ENTREP2: variants seen among roughly 807,000 people sequenced by gnomAD.
ENTREP2 encodes endosomal transmembrane epsin interactor 2.
the ENTREP2 span, among the ~76,000 whole-genome samples, chr15:29,512,203 A>T: frequency 1.3e-5 from 2 of 152,130 alleles, no homozygotes; most frequent in Non-Finnish European, 2.9e-5. Context: ...TAGTTTGTTT[A>T]TATTTGTATT....
At chr15:29,381,701 T>G in the ENTREP2 span, 1 of 1,271,004 alleles carries the variant, frequency 7.9e-7, no homozygotes, top group South Asian at 1.3e-5. Context: ...TCTTCGCCAC[T>G]GCCTCCAACC....
At chr15:29,597,022 T>C in the ENTREP2 span, among the ~76,000 whole-genome samples, 4 of 152,006 alleles carry the variant, frequency 2.6e-5, no homozygotes, top group Non-Finnish European at 4.4e-5. Flanking sequence ...CACTGTAAAG[T>C]TCATAGAAAT....
chr15:29,248,542 AGAG>A, the ENTREP2 span, among the ~76,000 whole-genome samples: 1 of 152,266 alleles, frequency 6.6e-6, no homozygotes, highest in Non-Finnish European at 1.5e-5. Flanking sequence ...CAGACAAAAC[AGAG>A]AAGAAAATAA....
At chr15:29,194,084 C>G in the ENTREP2 span, among the ~76,000 whole-genome samples, 15 of 152,326 alleles carry the variant, frequency 9.8e-5, no homozygotes, top group South Asian at 2.9e-3. Context: ...AAAATCCCAG[C>G]AGGATTCTAG....
the ENTREP2 span, among the ~76,000 whole-genome samples, chr15:29,541,570 G>C: frequency 2.0e-5 from 3 of 152,168 alleles, no homozygotes; most frequent in Non-Finnish European, 2.9e-5. Flanking sequence ...GGTGAGACGT[G>C]AAGCATAAGA....
the ENTREP2 span, among the ~76,000 whole-genome samples, chr15:29,523,182 A>G: frequency 1.3e-5 from 2 of 152,218 alleles, no homozygotes; most frequent in Non-Finnish European, 2.9e-5. Context: ...ACATTTGCAG[A>G]TGACTTCCTT....
At chr15:29,383,311 C>G in the ENTREP2 span, among the ~76,000 whole-genome samples, 1 of 152,202 alleles carries the variant, frequency 6.6e-6, no homozygotes, top group Admixed American at 6.5e-5. Context: ...GCCCACACTT[C>G]CTCTTGCAAC....
At chr15:29,343,331 G>A in the ENTREP2 span, among the ~76,000 whole-genome samples, 2 of 151,892 alleles carry the variant, frequency 1.3e-5, no homozygotes, top group South Asian at 2.1e-4. Flanking sequence ...TCCATACTGC[G>A]GGGGGCCTCA....
chr15:29,667,503 T>C, the ENTREP2 span, among the ~76,000 whole-genome samples: 1 of 148,080 alleles, frequency 6.8e-6, no homozygotes, highest in Non-Finnish European at 1.5e-5. Flanking sequence ...TTTTTTTTTT[T>C]TTTTTGAGAT....
the ENTREP2 span, among the ~76,000 whole-genome samples, chr15:29,461,863 G>A: frequency 0.063 from 9,511 of 152,016 alleles, 338 homozygotes; most frequent in Non-Finnish European, 0.071. Flanking sequence ...TCTTCAGAAC[G>A]TCTTCCAAGA....
the ENTREP2 span, among the ~76,000 whole-genome samples, chr15:29,393,758 A>G: frequency 3.3e-5 from 5 of 152,254 alleles, no homozygotes; most frequent in Admixed American, 2.0e-4. Context: ...TTAAATTAAC[A>G]AATGTTATAA....
the ENTREP2 span, among the ~76,000 whole-genome samples, chr15:29,588,976 C>G: frequency 7.0e-6 from 1 of 143,502 alleles, no homozygotes; most frequent in African/African-American, 2.6e-5. Flanking sequence ...GGTGACAGAG[C>G]GAGACCTTGT....
chr15:29,433,886 T>C, the ENTREP2 span, among the ~76,000 whole-genome samples: 5 of 151,924 alleles, frequency 3.3e-5, no homozygotes, highest in Admixed American at 6.6e-5. Context: ...AAAAAGCACG[T>C]CATTCACCTG....
the ENTREP2 span, among the ~76,000 whole-genome samples, chr15:29,426,927 C>T: frequency 6.6e-6 from 1 of 152,056 alleles, no homozygotes; most frequent in Admixed American, 6.6e-5. Flanking sequence ...AGAGAATTGT[C>T]CAATCAGAAT....
chr15:29,436,328 C>T, the ENTREP2 span, among the ~76,000 whole-genome samples: 1 of 152,200 alleles, frequency 6.6e-6, no homozygotes. Context: ...TGAGGAAGCG[C>T]CTCTACTCAC....
chr15:29,545,874 T>C, the ENTREP2 span, among the ~76,000 whole-genome samples: 2 of 152,370 alleles, frequency 1.3e-5, no homozygotes, highest in Admixed American at 1.3e-4. Flanking sequence ...AAGCAATGTT[T>C]AATGTTTAAG....
At chr15:29,537,113 T>C in the ENTREP2 span, among the ~76,000 whole-genome samples, 1 of 152,234 alleles carries the variant, frequency 6.6e-6, no homozygotes, top group African/African-American at 2.4e-5. Flanking sequence ...ATGTATACTA[T>C]GTAAATTAAT....
the ENTREP2 span, chr15:29,128,910 C>T: frequency 0.024 from 33,156 of 1,375,706 alleles, 523 homozygotes; most frequent in Non-Finnish European, 0.028. Context: ...TCCGTGGGAA[C>T]GCAGCACAGC....
At chr15:29,462,626 A>G in the ENTREP2 span, among the ~76,000 whole-genome samples, 2 of 151,988 alleles carry the variant, frequency 1.3e-5, no homozygotes, top group Non-Finnish European at 2.9e-5. Flanking sequence ...TAATAATAAT[A>G]ATAATAATAC....
Sources: allele counts gnomAD v4.1 joint callset (sites outside exome capture counted in the v4.1 genomes callset), GRCh38; gene constraint gnomAD v4.1.1; transcripts MANE v1.5; gene names NCBI Gene and HGNC (gene_info 2026-07-23, HGNC 2026-07-21).